HROB: variants seen among roughly 807,000 people sequenced by gnomAD.
HROB encodes homologous recombination factor with OB-fold, also known as homologous recombination OB-fold protein.
Under a neutral mutation model 61.0 loss-of-function variants are expected in HROB, and 44 were observed. The observed-to-expected ratio is 0.72, with a 90% CI of 0.57 to 0.93. HROB has a LOEUF of 0.93. Ranked by LOEUF, HROB falls within the 40% of genes least tolerant of loss-of-function variation. The pLI, the probability that HROB is intolerant of heterozygous loss-of-function variation, is 0.00. For missense variants in HROB, 716 were observed against 796.2 expected, an observed-to-expected ratio of 0.90 and a Z score of 1.21; for synonymous variants, 301 against 310.4, an observed-to-expected ratio of 0.97 and a Z score of 0.32.
chr17:44,149,092 A>G lies in HROB; in HGVS notation c.1224+65A>G, dbSNP rs1333013141. The G allele has an allele frequency of 3.5e-6, 5 of 1,445,406 alleles. No individual in the cohort carries two copies. The East Asian group carries it at 1.2e-4, about 34-fold the overall frequency. 89.5% of individuals were successfully genotyped at this position (1,445,406 alleles called of 1,614,324 possible). A position where few individuals can be genotyped will look rare whatever the true frequency, so the allele number is the denominator to read the frequency against. The stretch of plus-strand genomic sequence containing the variant: ...GAGAAGCAGGGTTCCAGCACTGTCC[A>G]GCCCTAGCATATCTTCCCTCTTGCA... On this transcript the variant is annotated intron_variant, in intron 3 of 9. Coordinates refer to ENST00000585683, the MANE Select transcript of HROB (RefSeq NM_001171251.3).
At chr17:44,150,781 C>A (rs1274904564) in intron 3 of HROB, among the ~76,000 whole-genome samples, 180 bp from the exon 4 acceptor site, 1 of 152,198 alleles carries the variant, frequency 6.6e-6, no homozygotes, top group Non-Finnish European at 1.5e-5. Context: ...TCAAACCAAT[C>A]CCCAAAGTAT....
chr17:44,157,759 G>A (rs1306330898), intron 8 of HROB, 74 bp from the exon 9 acceptor site: 4 of 1,137,692 alleles, frequency 3.5e-6, no homozygotes, highest in African/African-American at 3.1e-5. Flanking sequence ...GTTTGAGGTT[G>A]TCTGGGTAGA....
In HROB at chr17:44,148,209, C is replaced by G. The variant is rs762383052; in HGVS notation, c.406C>G (p.Pro136Ala). ...AAGACCTCAGTCCTCAGCCTTACAC[C>G]CCCTACTCACCTTTGAGAGCCAACA... ...TARPQSSALH[P>A]LLTFESQQQQ... Residue 136 changes from proline to alanine, a missense_variant, in exon 3 of 10, where the codon CCC becomes GCC. Physicochemically the swap from Pro to Ala is conservative, Grantham distance 27. Transcript: ENST00000585683. 1.9e-6 allele frequency: 3 copies of G among 1,614,166 alleles called. No individual in the cohort carries two copies. In the African/African-American group the frequency reaches 4.0e-5, roughly 22 times the overall value.
In HROB at chr17:44,142,018, C is replaced by G; in HGVS notation, c.-125C>G. 1.5e-6 allele frequency: 2 copies of G among 1,352,988 alleles called. No homozygotes were observed. Among genetic ancestry groups the G allele is most frequent in the South Asian group, 1.3e-5 (1 of 78,374 alleles). The allele number at this position is 1,352,988 out of a possible 1,614,324, so 83.8% of individuals were successfully genotyped here. On this transcript the variant is annotated 5_prime_UTR_variant, in exon 1 of 10. Transcript: ENST00000585683. The stretch of plus-strand genomic sequence containing the variant: ...TATCGCAGAGACTCATCCCTCTGAC[C>G]CCAGCCCGGAAGCACTGTCCCTCGG...
intron 8 of HROB, among the ~76,000 whole-genome samples, chr17:44,156,461 T>G (rs1400407770): frequency 3.3e-5 from 5 of 152,180 alleles, no homozygotes; most frequent in African/African-American, 1.2e-4. Flanking sequence ...TGACCTCAGG[T>G]GATTGGCCTG....
Position 44,161,924 on chromosome 17 carries a change from A to G in HROB, c.1933A>G (p.Ser645Gly), listed in dbSNP as rs78848036. ...ELPEDFFCGT[S>G]S ...TCCTGAAGACTTCTTCTGTGGGACC[A>G]GTAGTTGAGACTGCCCCAACGCAGG... Residue 645 changes from serine (S) to glycine (G), a missense_variant, in exon 10 of 10, where the codon AGT becomes GGT. Physicochemically the swap from Ser to Gly is moderately conservative, Grantham distance 56 (BLOSUM62 0). Coordinates refer to ENST00000585683, the MANE Select transcript of HROB (RefSeq NM_001171251.3). 6.0e-3 allele frequency: 9,674 copies of G among 1,614,142 alleles called. 56 individuals carry two copies. The highest frequency in any genetic ancestry group is 0.025 in the East Asian group (1,112 of 44,884).
chr17:44,161,398 G>A (rs1016312098), intron 9 of HROB, among the ~76,000 whole-genome samples: 3 of 152,136 alleles, frequency 2.0e-5, no homozygotes, highest in African/African-American at 7.2e-5. Flanking sequence ...CCACATCTGA[G>A]AACTGTAGTC....
intron 6 of HROB, 92 bp downstream of exon 6, chr17:44,154,756 A>G: frequency 6.3e-7 from 1 of 1,593,592 alleles, no homozygotes; most frequent in South Asian, 1.1e-5. Flanking sequence ...CAGACAGGAA[A>G]ACTGAGGCAG....
chr17:44,150,987 C>T lies in HROB; in HGVS notation c.1251C>T (p.Ile417=). The change falls in exon 4 of 10, where the codon ATC becomes ATT. Residue 417 remains isoleucine (I), a synonymous_variant. Coordinates refer to ENST00000585683, the MANE Select transcript of HROB (RefSeq NM_001171251.3). ...HQQSGRSLED[I]MVSAPQTPTH... ...AGAGTGGGAGAAGTCTGGAGGACAT[C>T]ATGGTTTCCGCGCCCCAAACTCCAA... 6.2e-7 allele frequency: 1 copy of T among 1,613,120 alleles called. No individual in the cohort carries two copies. The highest frequency in any genetic ancestry group is 8.5e-7 in the Non-Finnish European group (1 of 1,179,832).
At chr17:44,159,758 T>C (rs1468490949) in intron 9 of HROB, among the ~76,000 whole-genome samples, 1 of 152,240 alleles carries the variant, frequency 6.6e-6, no homozygotes, top group African/African-American at 2.4e-5. Flanking sequence ...TGTGCACTTA[T>C]CAGAGAAATC....
chr17:44,155,791 C>G (rs1374732196), intron 8 of HROB, among the ~76,000 whole-genome samples: 5 of 152,196 alleles, frequency 3.3e-5, no homozygotes, highest in African/African-American at 1.2e-4. Context: ...TACAAATGGC[C>G]TGTCAGGTGA....
chr17:44,160,573 TA>T (rs1246627709), intron 9 of HROB, among the ~76,000 whole-genome samples: 4 of 151,698 alleles, frequency 2.6e-5, no homozygotes, highest in Non-Finnish European at 5.9e-5. Flanking sequence ...ATCTCAAAAA[TA>T]AAAAAAATCC....
rs1329634341 is a variant in HROB, at chr17:44,148,772, C to T, written c.969C>T (p.Ser323=). The change falls in exon 3 of 10, where the codon AGC becomes AGT. Residue 323 remains serine (S), a synonymous_variant. Coordinates refer to ENST00000585683, the MANE Select transcript of HROB (RefSeq NM_001171251.3). ...HLPRPRTPNS[S]CSTPSRTSSG... ...CCAGACCTCGAACTCCCAACTCAAG[C>T]TGTTCTACTCCCTCAAGGACTAGCT... 4.3e-6 allele frequency: 7 copies of T among 1,614,094 alleles called. No homozygotes were observed. The East Asian group carries it at 1.6e-4, about 36-fold the overall frequency.
intron 9 of HROB, among the ~76,000 whole-genome samples, chr17:44,158,669 G>A (rs1435770324): frequency 1.3e-5 from 2 of 148,300 alleles, no homozygotes; most frequent in Admixed American, 1.3e-4. Flanking sequence ...TTTTTGAGAC[G>A]GAGTCTCGCT....
intron 8 of HROB, among the ~76,000 whole-genome samples, chr17:44,157,126 T>C (rs1346309017): frequency 6.6e-6 from 1 of 152,160 alleles, no homozygotes; most frequent in Non-Finnish European, 1.5e-5. Context: ...TACCTGCCCA[T>C]ATATTAGCTA....
rs1344705225 is a variant in HROB, at chr17:44,148,341, A to G, written c.538A>G (p.Ser180Gly). The change falls in exon 3 of 10, where the codon AGT becomes GGT. Residue 180 changes from serine (S) to glycine (G), a missense_variant. Ser to Gly is a moderately conservative substitution (Grantham distance 56). Coordinates refer to ENST00000585683, the MANE Select transcript of HROB (RefSeq NM_001171251.3). Reference sequence around the variant, plus strand: ...CATGGAGCTGGAATGTGGAGTCAGCAGTGAGGCCATACCAATCCTGCCTGC... The same window carrying G: ...CATGGAGCTGGAATGTGGAGTCAGCGGTGAGGCCATACCAATCCTGCCTGC... ...PGMELECGVSSEAIPILPAQQ... is the reference protein window; with the variant it reads ...PGMELECGVSGEAIPILPAQQ... 1 of 1,614,048 alleles carries G rather than the reference A, an allele frequency of 6.2e-7. No individual in the cohort carries two copies. Among genetic ancestry groups the G allele is most frequent in the Non-Finnish European group, 8.5e-7 (1 of 1,180,032 alleles).
At chr17:44,143,084 G>A (rs571292691) in intron 1 of HROB, among the ~76,000 whole-genome samples, 1 of 152,272 alleles carries the variant, frequency 6.6e-6, no homozygotes, top group East Asian at 1.9e-4. Context: ...TTACAGGCGG[G>A]CACCACCACC....
rs753660390 is a variant in HROB, at chr17:44,150,952, C to T, written c.1225-9C>T. On this transcript the variant is annotated splice_polypyrimidine_tract_variant and intron_variant, in intron 3 of 9. Coordinates refer to ENST00000585683, the MANE Select transcript of HROB (RefSeq NM_001171251.3). ...CTTGCTCTCATCTTCTCCTTCCCTCCCCTCTTAGCAGAGTGGGAGAAGTCT... is the reference window on the plus strand; with the variant it reads ...CTTGCTCTCATCTTCTCCTTCCCTCTCCTCTTAGCAGAGTGGGAGAAGTCT... 2.5e-6 allele frequency: 4 copies of T among 1,605,726 alleles called. No homozygotes were observed. Among genetic ancestry groups the T allele is most frequent in the Non-Finnish European group, 2.6e-6 (3 of 1,173,710 alleles).
At chr17:44,149,090 C>T in intron 3 of HROB, 63 bp downstream of exon 3, 1 of 1,454,102 alleles carries the variant, frequency 6.9e-7, no homozygotes, top group Non-Finnish European at 9.4e-7. Flanking sequence ...CCAGCACTGT[C>T]CAGCCCTAGC....
Sources: allele counts gnomAD v4.1 joint callset (sites outside exome capture counted in the v4.1 genomes callset), GRCh38; gene constraint gnomAD v4.1.1; transcripts MANE v1.5; gene names NCBI Gene and HGNC (gene_info 2026-07-23, HGNC 2026-07-21).